SLC35F4: variants seen among roughly 807,000 people sequenced by gnomAD.
The protein encoded by SLC35F4 is solute carrier family 35 member F4.
SLC35F4 carries 24 observed loss-of-function variants against 44.2 expected under a neutral mutation model. The observed-to-expected ratio is 0.54, with a 90% CI of 0.39 to 0.76. The LOEUF (loss-of-function observed/expected upper bound fraction) is 0.76. Among genes scored for constraint, SLC35F4 ranks in the 30% least tolerant of loss-of-function variants. The pLI is 0.00. For synonymous variants in SLC35F4, 238 were observed against 223.6 expected, an observed-to-expected ratio of 1.06 and a Z score of -0.57; for missense variants, 562 against 586.1, an observed-to-expected ratio of 0.96 and a Z score of 0.42.
intron 1 of SLC35F4, among the ~76,000 whole-genome samples, chr14:57,715,149 G>A (rs2075908504): frequency 6.6e-6 from 1 of 152,282 alleles, no homozygotes; most frequent in Admixed American, 6.5e-5. Flanking sequence ...AGATAACCCA[G>A]TCTGCAGGGT....
chr14:57,701,058 A>G (rs1594829652), intron 1 of SLC35F4, among the ~76,000 whole-genome samples: 1 of 152,164 alleles, frequency 6.6e-6, no homozygotes, highest in South Asian at 2.1e-4. Flanking sequence ...GTTGGTCTCA[A>G]ACTCCTGGGT....
chr14:57,694,319 T>G (rs2075316512), intron 1 of SLC35F4, among the ~76,000 whole-genome samples: 1 of 152,194 alleles, frequency 6.6e-6, no homozygotes, highest in Non-Finnish European at 1.5e-5. Flanking sequence ...AATATTTAAA[T>G]AATCAAATAG....
intron 1 of SLC35F4, among the ~76,000 whole-genome samples, chr14:57,639,711 A>G (rs530292173): frequency 6.6e-6 from 1 of 152,160 alleles, no homozygotes; most frequent in East Asian, 1.9e-4. Context: ...TATCCCATAA[A>G]TGACAATTGT....
At chr14:57,611,597 A>C (rs2071510361) in intron 1 of SLC35F4, among the ~76,000 whole-genome samples, 1 of 151,692 alleles carries the variant, frequency 6.6e-6, no homozygotes, top group South Asian at 2.1e-4. Flanking sequence ...AAAAAAAAAA[A>C]ACAAAAAAAA....
At chr14:57,772,824 C>T (rs908747003) in intron 1 of SLC35F4, among the ~76,000 whole-genome samples, 1 of 152,056 alleles carries the variant, frequency 6.6e-6, no homozygotes, top group African/African-American at 2.4e-5. Flanking sequence ...TGTATGAGTA[C>T]CGGTGTCTTT....
At chr14:57,982,357 A>G (rs1011643820), upstream of SLC35F4, among the ~76,000 whole-genome samples, 1 of 152,208 alleles carries the variant, frequency 6.6e-6, no homozygotes, top group African/African-American at 2.4e-5. Flanking sequence ...TGACTCCTGA[A>G]AAGTACACAC....
chr14:57,698,642 CTT>C (rs35036166), intron 1 of SLC35F4, among the ~76,000 whole-genome samples: 3 of 144,892 alleles, frequency 2.1e-5, no homozygotes, highest in Non-Finnish European at 4.5e-5. Flanking sequence ...AAACATGTCA[CTT>C]TTTTTTTTTT....
chr14:57,599,850 G>C (rs905008954), intron 1 of SLC35F4, among the ~76,000 whole-genome samples: 4 of 150,696 alleles, frequency 2.7e-5, no homozygotes, highest in African/African-American at 7.3e-5. Flanking sequence ...AGAGGGAGGA[G>C]AGGGTTGCTT....
chr14:57,610,312 G>C (rs1449477542), intron 1 of SLC35F4, among the ~76,000 whole-genome samples: 1 of 152,166 alleles, frequency 6.6e-6, no homozygotes, highest in Non-Finnish European at 1.5e-5. Context: ...GTAGGACCCT[G>C]AGCCTGGAGG....
intron 1 of SLC35F4, among the ~76,000 whole-genome samples, chr14:57,644,240 TAA>T (rs1453165774): frequency 2.0e-5 from 3 of 152,174 alleles, no homozygotes; most frequent in Non-Finnish European, 4.4e-5. Flanking sequence ...ACCAACAGTG[TAA>T]AAGTGTTCCT....
rs376470830 is a variant in SLC35F4, at chr14:57,875,820, T to C, written n.282+106093A>G. ...CTCGTGGTGAGATTGCTGCAAACAA[T>C]TGTGGCCATTCTTGGATTCTGCTAC... On this transcript the variant is annotated intron_variant and non_coding_transcript_variant, in intron 1 of 1. Coordinates refer to the SLC35F4 transcript ENST00000556568. Among the ~76,000 whole-genome samples, 289 of 152,306 alleles carry C rather than the reference T, an allele frequency of 1.9e-3. 1 individual carries two copies. Among genetic ancestry groups the C allele is most frequent in the Middle Eastern group, 6.8e-3 (2 of 294 alleles).
intron 3 of SLC35F4, among the ~76,000 whole-genome samples, chr14:57,586,350 C>T (rs760689190): frequency 4.9e-4 from 75 of 152,132 alleles, no homozygotes; most frequent in Non-Finnish European, 9.4e-4. Context: ...AAGACTTAAA[C>T]GTAAGACCTA....
At chr14:57,758,237 T>C (rs2077043052) in intron 1 of SLC35F4, among the ~76,000 whole-genome samples, 1 of 152,118 alleles carries the variant, frequency 6.6e-6, no homozygotes, top group South Asian at 2.1e-4. Flanking sequence ...TTTCTTCATG[T>C]TTCTCATCCT....
intron 1 of SLC35F4, among the ~76,000 whole-genome samples, chr14:57,954,489 C>A (rs193098068): frequency 6.6e-6 from 1 of 151,786 alleles, no homozygotes; most frequent in African/African-American, 2.4e-5. Context: ...CCAGGAGCTG[C>A]GTTTTTGAAA....
intron 1 of SLC35F4, among the ~76,000 whole-genome samples, chr14:57,939,947 G>A (rs527351149): frequency 1.3e-5 from 2 of 152,314 alleles, no homozygotes; most frequent in Admixed American, 1.3e-4. Flanking sequence ...GGTTAAGTAA[G>A]GACTAAGAGA....
chr14:57,801,931 A>G (rs1272087427), intron 1 of SLC35F4, among the ~76,000 whole-genome samples: 1 of 152,138 alleles, frequency 6.6e-6, no homozygotes, highest in African/African-American at 2.4e-5. Flanking sequence ...AGAAACACAA[A>G]ATTAACAAAA....
chr14:57,610,842 C>T (rs1302191268), intron 1 of SLC35F4, among the ~76,000 whole-genome samples: 2 of 152,026 alleles, frequency 1.3e-5, no homozygotes, highest in Admixed American at 6.5e-5. Flanking sequence ...CATGCAGACC[C>T]GAATTGATAA....
intron 1 of SLC35F4, among the ~76,000 whole-genome samples, chr14:57,932,584 C>CG (rs1429229666): frequency 1.3e-5 from 2 of 152,146 alleles, no homozygotes; most frequent in African/African-American, 4.8e-5. Flanking sequence ...TGTGGTGTCT[C>CG]ACACCTGTAA....
chr14:57,907,823 ATTT>A (rs149104185), intron 1 of SLC35F4, among the ~76,000 whole-genome samples: 1 of 150,952 alleles, frequency 6.6e-6, no homozygotes, highest in African/African-American at 2.4e-5. Flanking sequence ...AATAAACCTT[ATTT>A]TTTTTTATTT....
Sources: allele counts gnomAD v4.1 joint callset (sites outside exome capture counted in the v4.1 genomes callset), GRCh38; gene constraint gnomAD v4.1.1; transcripts MANE v1.5; gene names NCBI Gene and HGNC (gene_info 2026-07-23, HGNC 2026-07-21).